Variants in FOXN2 observed in about 807,000 individuals in gnomAD.
The protein encoded by FOXN2 is forkhead box protein N2.
Under a neutral mutation model 41.2 loss-of-function variants are expected in FOXN2, and 19 were observed. The ratio of observed to expected loss-of-function variants is 0.46; its 90% CI spans 0.32 to 0.68. The LOEUF is 0.68. FOXN2 is among the 30% of genes least tolerant of loss of function. The probability of loss-of-function intolerance (pLI) is 0.03; values close to 1 mark genes in which losing one functional copy is unlikely to be tolerated. For synonymous variants in FOXN2, 195 were observed against 176.8 expected (o/e 1.10, Z -0.82); for missense variants, 587 against 509.4 (o/e 1.15, Z -1.47).
intron 2 of FOXN2, among the ~76,000 whole-genome samples, chr2:48,329,713 C>T (rs541626583): frequency 6.6e-6 from 1 of 152,242 alleles, no homozygotes; most frequent in Admixed American, 6.5e-5. Context: ...TTTGATTTTA[C>T]CCTCTAATCT....
intron 5 of FOXN2, among the ~76,000 whole-genome samples, chr2:48,369,501 G>A (rs1028977894): frequency 3.3e-5 from 5 of 152,142 alleles, no homozygotes; most frequent in Non-Finnish European, 7.3e-5. Context: ...TGGTGCCATT[G>A]CACTCCAGCC....
intron 3 of FOXN2, among the ~76,000 whole-genome samples, chr2:48,358,543 G>A (rs1028665344): frequency 3.3e-5 from 5 of 152,098 alleles, no homozygotes; most frequent in East Asian, 1.9e-4. Flanking sequence ...ATTATGAAAT[G>A]ATATTCAGAG....
At chr2:48,336,078 A>T (rs1034042475) in intron 2 of FOXN2, among the ~76,000 whole-genome samples, 3 of 150,642 alleles carry the variant, frequency 2.0e-5, no homozygotes. Context: ...ATTATAAACC[A>T]GGAGAAGGTG....
chr2:48,318,475 A>C (rs1378194718), intron 1 of FOXN2, among the ~76,000 whole-genome samples: 1 of 152,216 alleles, frequency 6.6e-6, no homozygotes, highest in African/African-American at 2.4e-5. Context: ...TCAAGGATAC[A>C]AACTAACGAC....
At chr2:48,368,407 G>T (rs1402421936) in intron 5 of FOXN2, among the ~76,000 whole-genome samples, 1 of 152,090 alleles carries the variant, frequency 6.6e-6, no homozygotes, top group East Asian at 1.9e-4. Context: ...GAACGCGGTG[G>T]TTCATGCTCG....
intron 5 of FOXN2, 43 bp downstream of exon 5, chr2:48,362,750 T>G: frequency 6.5e-7 from 1 of 1,535,296 alleles, no homozygotes; most frequent in Non-Finnish European, 9.0e-7. Flanking sequence ...CACAACAATC[T>G]TTTGGTCAAC....
chr2:48,367,281 G>C (rs1387845194), intron 5 of FOXN2, among the ~76,000 whole-genome samples: 1 of 151,772 alleles, frequency 6.6e-6, no homozygotes, highest in Non-Finnish European at 1.5e-5. Context: ...AGCTGTTCTA[G>C]ACACCAAGGT....
chr2:48,370,720 G>T (rs1234892904), intron 5 of FOXN2, among the ~76,000 whole-genome samples: 1 of 152,104 alleles, frequency 6.6e-6, no homozygotes, highest in Non-Finnish European at 1.5e-5. Context: ...CCTGTCAGAT[G>T]AGTAGTTTGC....
At position 48,377,191 on chromosome 2, in the gene FOXN2, C is replaced by G. The variant is rs1673309014; in HGVS notation, c.*1748C>G. ...TTTTAAATTTGTTAATAATGAAAACCCTTAAGCATGCAGGATGAGGTATTT... is the reference window on the plus strand; with the variant it reads ...TTTTAAATTTGTTAATAATGAAAACGCTTAAGCATGCAGGATGAGGTATTT... On this transcript the variant is annotated 3_prime_UTR_variant, in exon 7 of 7. Transcript: ENST00000340553. 6.6e-6 allele frequency: 1 copy of G among 151,342 alleles called. No individual in the cohort carries two copies. The highest frequency in any genetic ancestry group is 1.5e-5 in the Non-Finnish European group (1 of 67,756). 9.4% of individuals were successfully genotyped at this position (151,342 alleles called of 1,614,324 possible).
At chr2:48,332,020 AATT>A (rs1222630812) in intron 2 of FOXN2, among the ~76,000 whole-genome samples, 1 of 152,100 alleles carries the variant, frequency 6.6e-6, no homozygotes, top group African/African-American at 2.4e-5. Context: ...TGGATGGAAA[AATT>A]ATTATTTTGA....
chr2:48,330,928 C>T (rs1300457830), intron 2 of FOXN2, among the ~76,000 whole-genome samples: 2 of 152,130 alleles, frequency 1.3e-5, no homozygotes, highest in Non-Finnish European at 2.9e-5. Context: ...TTAATTATTC[C>T]TTGCTTAAAG....
chr2:48,370,999 A>G (rs929512495), intron 5 of FOXN2, among the ~76,000 whole-genome samples: 5 of 152,062 alleles, frequency 3.3e-5, no homozygotes, highest in African/African-American at 7.2e-5. Flanking sequence ...GTCTCGTTTC[A>G]TTCTTCTGCC....
At chr2:48,364,692 G>T (rs1672418615) in intron 5 of FOXN2, among the ~76,000 whole-genome samples, 2 of 152,224 alleles carry the variant, frequency 1.3e-5, no homozygotes, top group African/African-American at 4.8e-5. Context: ...GCCATTTCTG[G>T]CCTGACATCT....
chr2:48,322,040 C>T (rs548117484), intron 1 of FOXN2, among the ~76,000 whole-genome samples: 6 of 152,252 alleles, frequency 3.9e-5, no homozygotes, highest in Admixed American at 6.5e-5. Flanking sequence ...TCTCCGCCTT[C>T]GAGGTTCAAG....
At chr2:48,319,169 A>G (rs1269805134) in intron 1 of FOXN2, among the ~76,000 whole-genome samples, 1 of 148,126 alleles carries the variant, frequency 6.8e-6, no homozygotes, top group South Asian at 2.1e-4. Flanking sequence ...TTTTTTTCTG[A>G]GAAGTGCTTT....
intron 5 of FOXN2, among the ~76,000 whole-genome samples, chr2:48,370,058 G>A (rs1672786625): frequency 6.6e-6 from 1 of 152,018 alleles, no homozygotes; most frequent in East Asian, 1.9e-4. Flanking sequence ...TAATCTCTCT[G>A]TTGGGGCTTT....
chr2:48,372,307 T>G (rs1672954721), intron 5 of FOXN2, among the ~76,000 whole-genome samples: 2 of 152,204 alleles, frequency 1.3e-5, no homozygotes, highest in South Asian at 4.1e-4. Context: ...ATGGTCTAGT[T>G]GGAGAGAAAA....
intron 5 of FOXN2, among the ~76,000 whole-genome samples, chr2:48,364,516 G>T (rs954946864): frequency 6.6e-5 from 10 of 152,018 alleles, no homozygotes; most frequent in Admixed American, 6.5e-4. Flanking sequence ...TTTTTCTCCA[G>T]ATACTAGATT....
chr2:48,346,064 A>G (rs1339547365), intron 2 of FOXN2, 137 bp from the exon 3 acceptor site: 2 of 680,342 alleles, frequency 2.9e-6, no homozygotes, highest in African/African-American at 3.6e-5. Context: ...TCATTATACA[A>G]ATGTTGTGCT....
Sources: gnomAD v4.1 joint callset for allele counts (sites outside exome capture counted in the v4.1 genomes callset) on GRCh38, gnomAD v4.1.1 for gene constraint, MANE v1.5 for transcripts, NCBI Gene and HGNC (gene_info 2026-07-23, HGNC 2026-07-21) for gene names.